ANKRD11: variants seen among roughly 807,000 people sequenced by gnomAD.
The protein encoded by ANKRD11 is ankyrin repeat domain 11, also known as ankyrin repeat domain-containing protein 11.
A neutral mutation model predicts 195.7 loss-of-function variants in ANKRD11; 17 were observed. The ratio of observed to expected loss-of-function variants is 0.09; its 90% CI spans 0.06 to 0.13. The LOEUF (loss-of-function observed/expected upper bound fraction) is 0.13, where lower values mean the gene tolerates loss of function less well. Among genes scored for constraint, ANKRD11 ranks in the 10% least tolerant of loss-of-function variants. The pLI, the probability that ANKRD11 is intolerant of heterozygous loss-of-function variation, is 1.00. For synonymous variants in ANKRD11, 1,953 were observed against 1,528.1 expected (o/e 1.28, Z -6.49); for missense variants, 3,735 against 3,566.1 (o/e 1.05, Z -1.21).
At chr16:89,323,973 C>T (rs1012440815) in intron 2 of ANKRD11, 4 of 225,070 alleles carry the variant, frequency 1.8e-5, no homozygotes, top group African/African-American at 9.4e-5. Flanking sequence ...TCCCCTGCAC[C>T]CCAAAATTCA....
At chr16:89,351,193 G>A (rs749929438) in intron 2 of ANKRD11, among the ~76,000 whole-genome samples, 19 of 152,336 alleles carry the variant, frequency 1.2e-4, no homozygotes, top group Non-Finnish European at 2.4e-4. Context: ...GCAGAGAGGC[G>A]GCGGCGGCAG....
At position 89,283,085 on chromosome 16, in the gene ANKRD11, C is replaced by G. The variant is rs2034396836; in HGVS notation, c.3457G>C (p.Glu1153Gln). The stretch of plus-strand genomic sequence containing the variant: ...GAGGCATAGGCCTCCCGTCCTTCCT[C>G]CTTCTCCTGGAGGCCGTCCGTCCTC... ...LPRTDGLQEK[E>Q]EGREAYASDR... is the part of the protein sequence containing the mutation. Residue 1153 changes from glutamate to glutamine, a missense_variant, in exon 9 of 13, where the codon GAG becomes CAG. Coordinates refer to ENST00000301030, the MANE Select transcript of ANKRD11 (RefSeq NM_013275.6). This position sits in a 1 kb window ranked among gnomAD's most constrained non-coding sequence, Gnocchi z 4.3. The G allele has an allele frequency of 6.2e-7, 1 of 1,613,936 alleles. No individual in the cohort carries two copies. The highest frequency in any genetic ancestry group is 8.5e-7 in the Non-Finnish European group (1 of 1,180,036).
At position 89,279,757 on chromosome 16, in the gene ANKRD11, C is replaced by A; in HGVS notation, c.6785G>T (p.Gly2262Val). Residue 2262 changes from glycine (G) to valine (V), a missense_variant, in exon 9 of 13, where the codon GGC (glycine) becomes GTC (valine). Transcript: ENST00000301030. This position sits in a 1 kb window ranked among gnomAD's most constrained non-coding sequence, Gnocchi z 5.6. ...GGCACAGAGGGACGCGGCGGGGGGGCCTTCAGCCTCAGCCCCCTGGTCTCC... is the reference window on the plus strand; with the variant it reads ...GGCACAGAGGGACGCGGCGGGGGGGACTTCAGCCTCAGCCCCCTGGTCTCC... ...GSGDQGAEAE[G>V]PPAASLCAPD... is the part of the protein sequence containing the mutation. The A allele has an allele frequency of 6.6e-7, 1 of 1,521,106 alleles. No homozygotes were observed. Among genetic ancestry groups the A allele is most frequent in the Non-Finnish European group, 8.8e-7 (1 of 1,137,790 alleles). 94.2% of individuals were successfully genotyped at this position (1,521,106 alleles called of 1,614,324 possible). A position where few individuals can be genotyped will look rare whatever the true frequency, so the allele number is the denominator to read the frequency against.
At chr16:89,428,302 G>A (rs1341596250) in intron 1 of ANKRD11, among the ~76,000 whole-genome samples, 3 of 152,114 alleles carry the variant, frequency 2.0e-5, no homozygotes, top group Non-Finnish European at 2.9e-5. Context: ...AAGGCGGGCA[G>A]ATCAGAAGGT....
intron 2 of ANKRD11, among the ~76,000 whole-genome samples, chr16:89,342,959 G>A (rs780998947): frequency 6.6e-6 from 1 of 152,154 alleles, no homozygotes; most frequent in Non-Finnish European, 1.5e-5. Context: ...TCATAATTCC[G>A]AATTTGGGAT....
rs977634570 is a variant in ANKRD11, at chr16:89,418,924, C to T, written c.-144-556G>A. On this transcript the variant is annotated intron_variant, in intron 1 of 12. Transcript: ENST00000301030. ...AGATGGGATTACAGGCGCTCGCCAC[C>T]CACCCCCGGCTGATCTGGACCTCCT... 4.6e-5 allele frequency among the ~76,000 whole-genome samples: 7 copies of T among 151,968 alleles called. No homozygotes were observed. The East Asian group carries it at 1.2e-3, about 25-fold the overall frequency.
At chr16:89,310,089 C>T (rs1007186690) in intron 3 of ANKRD11, among the ~76,000 whole-genome samples, 8 of 152,392 alleles carry the variant, frequency 5.2e-5, no homozygotes, top group African/African-American at 1.7e-4. Context: ...CCCCCTGGAG[C>T]TCAATCTTTC....
chr16:89,369,379 C>T (rs2152075788), intron 2 of ANKRD11, among the ~76,000 whole-genome samples: 1 of 152,320 alleles, frequency 6.6e-6, no homozygotes, highest in Admixed American at 6.5e-5. Context: ...GCATGACCCG[C>T]ATGACCCTGC....
Position 89,275,331 on chromosome 16 carries a change from A to G in ANKRD11, c.7471-140T>C, listed in dbSNP as rs2033559121. The G allele has an allele frequency of 4.4e-6, 3 of 677,768 alleles. No homozygotes were observed. The South Asian group carries it at 5.4e-5, about 12-fold the overall frequency. The allele number at this position is 677,768 out of a possible 1,614,324, so 42.0% of individuals were successfully genotyped here. A position where few individuals can be genotyped will look rare whatever the true frequency, so the allele number is the denominator to read the frequency against. Reference sequence around the variant, plus strand: ...CTGGAGGCCTCCTCCAGTCCCAGCAACAGACACACCAGGAAGCTTCTAGAA... The same window carrying G: ...CTGGAGGCCTCCTCCAGTCCCAGCAGCAGACACACCAGGAAGCTTCTAGAA... On this transcript the variant is annotated intron_variant, in intron 9 of 12. Coordinates refer to ENST00000301030, the MANE Select transcript of ANKRD11 (RefSeq NM_013275.6).
chr16:89,324,240 A>G (rs1314412998), intron 2 of ANKRD11: 7 of 1,204,200 alleles, frequency 5.8e-6, no homozygotes, highest in South Asian at 3.0e-5. Flanking sequence ...CCTCAGACAC[A>G]TGCTTGGTCA....
chr16:89,337,224 A>G (rs1217597292), intron 2 of ANKRD11, among the ~76,000 whole-genome samples: 2 of 151,640 alleles, frequency 1.3e-5, no homozygotes, highest in East Asian at 1.9e-4. Flanking sequence ...TAAAACGCCA[A>G]ACGCACAGAT....
intron 2 of ANKRD11, among the ~76,000 whole-genome samples, chr16:89,385,216 G>A (rs2040857028): frequency 1.4e-5 from 2 of 144,498 alleles, no homozygotes; most frequent in South Asian, 4.5e-4. Flanking sequence ...TTGAGATGGA[G>A]TCTCCCTCTG....
chr16:89,450,982 G>A (rs764275375), intron 1 of ANKRD11, among the ~76,000 whole-genome samples: 4 of 152,140 alleles, frequency 2.6e-5, no homozygotes, highest in African/African-American at 7.2e-5. Context: ...AGAGGTGATC[G>A]GGGTGATCAG....
intron 1 of ANKRD11, among the ~76,000 whole-genome samples, chr16:89,428,067 A>C (rs751953395): frequency 6.7e-6 from 1 of 148,810 alleles, no homozygotes; most frequent in South Asian, 2.2e-4. Flanking sequence ...AATTAGCCAG[A>C]CATGGTGGCG....
At chr16:89,441,793 A>AAC (rs1555581853) in intron 1 of ANKRD11, among the ~76,000 whole-genome samples, 28 of 141,914 alleles carry the variant, frequency 2.0e-4, no homozygotes, top group African/African-American at 7.4e-4. Flanking sequence ...AAAAAAAAAA[A>AAC]CGCAAACCTG....
At chr16:89,456,232 T>G (rs2056427598) in intron 1 of ANKRD11, among the ~76,000 whole-genome samples, 2 of 138,676 alleles carry the variant, frequency 1.4e-5, no homozygotes, top group Admixed American at 7.3e-5. Context: ...AGAACAAGAT[T>G]CGGTCCCAAA....
intron 4 of ANKRD11, chr16:89,300,978 C>T (rs992341922): frequency 1.1e-5 from 7 of 659,536 alleles, no homozygotes; most frequent in African/African-American, 3.6e-5. Flanking sequence ...CAGGGAGAAG[C>T]GAGACTCAGG....
intron 9 of ANKRD11, 90 bp downstream of exon 9, chr16:89,278,982 G>A (rs772512667): frequency 5.0e-5 from 78 of 1,556,414 alleles, no homozygotes; most frequent in Non-Finnish European, 6.7e-5. Flanking sequence ...GCCATGAGTG[G>A]GACAAGACGG....
intron 2 of ANKRD11, among the ~76,000 whole-genome samples, chr16:89,349,945 G>C (rs2039133549): frequency 6.6e-6 from 1 of 150,780 alleles, no homozygotes. Context: ...TAAAGGACCT[G>C]TGTCTAGAAT....
Sources: gnomAD v4.1 joint callset for allele counts (sites outside exome capture counted in the v4.1 genomes callset) on GRCh38, gnomAD v4.1.1 for gene constraint, Gnocchi (gnomAD v3.1) non-coding constraint, MANE v1.5 for transcripts, NCBI Gene and HGNC (gene_info 2026-07-23, HGNC 2026-07-21) for gene names.